CNTNAP2: variants seen among roughly 807,000 people sequenced by gnomAD.
CNTNAP2 encodes the protein contactin-associated protein-like 2.
Under a neutral mutation model 155.2 loss-of-function variants are expected in CNTNAP2, and 98 were observed. The observed-to-expected ratio is 0.63, with a 90% CI of 0.54 to 0.75. The LOEUF (loss-of-function observed/expected upper bound fraction) is 0.75. Among genes scored for constraint, CNTNAP2 ranks in the 30% least tolerant of loss-of-function variants. The pLI is 0.00. For synonymous variants in CNTNAP2, 651 were observed against 631.2 expected (o/e 1.03, Z -0.47); for missense variants, 1,727 against 1,688.1 (o/e 1.02, Z -0.40).
chr7:147,099,870 G>A (rs920549928), intron 4 of CNTNAP2, among the ~76,000 whole-genome samples: 9 of 152,162 alleles, frequency 5.9e-5, no homozygotes, highest in Admixed American at 3.9e-4. Context: ...GCTATTTTCA[G>A]TAAACAGCGA....
chr7:146,196,103 G>A (rs1012302273), intron 1 of CNTNAP2, among the ~76,000 whole-genome samples: 1 of 152,130 alleles, frequency 6.6e-6, no homozygotes, highest in African/African-American at 2.4e-5. Flanking sequence ...ATAACAAGAA[G>A]TTTGCATATG....
chr7:146,356,908 C>T (rs1174542386), intron 1 of CNTNAP2, among the ~76,000 whole-genome samples: 1 of 152,134 alleles, frequency 6.6e-6, no homozygotes, highest in East Asian at 1.9e-4. Flanking sequence ...GACTTTTCTC[C>T]AGGTCGCTGC....
At chr7:147,818,270 A>T (rs1428832584) in intron 13 of CNTNAP2, among the ~76,000 whole-genome samples, 4 of 152,110 alleles carry the variant, frequency 2.6e-5, no homozygotes, top group African/African-American at 9.7e-5. Flanking sequence ...TTCATTGATA[A>T]AGTTCCTTTC....
intron 1 of CNTNAP2, among the ~76,000 whole-genome samples, chr7:146,183,345 C>A (rs1798576183): frequency 6.6e-6 from 1 of 152,018 alleles, no homozygotes; most frequent in African/African-American, 2.4e-5. Context: ...TTCATTGGTC[C>A]CAAACTCTTC....
At chr7:148,127,070 C>T (rs1269167921) in intron 16 of CNTNAP2, among the ~76,000 whole-genome samples, 5 of 152,036 alleles carry the variant, frequency 3.3e-5, no homozygotes, top group Admixed American at 1.3e-4. Flanking sequence ...TTTGGGAGGC[C>T]GAGGTGGGCA....
chr7:147,747,850 C>T (rs1797070065), intron 13 of CNTNAP2, among the ~76,000 whole-genome samples: 1 of 152,208 alleles, frequency 6.6e-6, no homozygotes. Flanking sequence ...TTAAAGTCTG[C>T]AGTGGCTTTA....
intron 11 of CNTNAP2, among the ~76,000 whole-genome samples, chr7:147,500,927 C>G (rs186259882): frequency 2.7e-4 from 41 of 152,098 alleles, no homozygotes; most frequent in African/African-American, 9.2e-4. Context: ...GACTAGGAGA[C>G]TACAATTAAA....
At chr7:146,780,646 G>A (rs1802469891) in intron 2 of CNTNAP2, among the ~76,000 whole-genome samples, 1 of 151,980 alleles carries the variant, frequency 6.6e-6, no homozygotes, top group African/African-American at 2.4e-5. Context: ...TGATGGACTG[G>A]ATAAAGAAAA....
intron 13 of CNTNAP2, among the ~76,000 whole-genome samples, chr7:147,667,572 A>G (rs1200178067): frequency 2.6e-5 from 4 of 152,208 alleles, no homozygotes. Context: ...TTACTATGCC[A>G]GCAAAATGAG....
intron 1 of CNTNAP2, among the ~76,000 whole-genome samples, chr7:146,477,886 T>C (rs139938276): frequency 3.1e-3 from 477 of 152,248 alleles, no homozygotes; most frequent in Middle Eastern, 0.01. Flanking sequence ...GCCCAACTTA[T>C]AGCAGGTGTT....
chr7:146,464,456 A>G (rs1254185336), intron 1 of CNTNAP2, among the ~76,000 whole-genome samples: 2 of 152,126 alleles, frequency 1.3e-5, no homozygotes, highest in Non-Finnish European at 2.9e-5. Context: ...TTGTTAACTC[A>G]TCTGCCTTGT....
At chr7:146,474,060 C>G (rs896568686) in intron 1 of CNTNAP2, among the ~76,000 whole-genome samples, 1 of 151,976 alleles carries the variant, frequency 6.6e-6, no homozygotes, top group Non-Finnish European at 1.5e-5. Context: ...TCTAAAGAGG[C>G]CTAGGTTGGA....
At chr7:146,622,241 GTATA>G (rs1799335421) in intron 1 of CNTNAP2, among the ~76,000 whole-genome samples, 1 of 114,176 alleles carries the variant, frequency 8.8e-6, no homozygotes, top group African/African-American at 3.2e-5. Flanking sequence ...ATATGTGTGT[GTATA>G]TCTATCTATC....
intron 22 of CNTNAP2, among the ~76,000 whole-genome samples, chr7:148,407,703 T>TAAAAAAAAAA: frequency 2.1e-5 from 2 of 93,126 alleles, no homozygotes; most frequent in Non-Finnish European, 2.2e-5. Context: ...GACCAAATCT[T>TAAAAAAAAAA]AAAAAAAAAA....
intron 1 of CNTNAP2, among the ~76,000 whole-genome samples, chr7:146,592,380 G>A (rs370571860): frequency 9.8e-5 from 15 of 152,340 alleles, no homozygotes; most frequent in Admixed American, 7.8e-4. Context: ...TACTGCCTGT[G>A]GACCAGATGG....
chr7:147,493,793 C>T (rs929837651), intron 11 of CNTNAP2, among the ~76,000 whole-genome samples: 2 of 152,056 alleles, frequency 1.3e-5, no homozygotes, highest in African/African-American at 4.8e-5. Flanking sequence ...AATACTTTGT[C>T]ACAAATTATT....
chr7:147,731,712 T>C (rs765449424), intron 13 of CNTNAP2, among the ~76,000 whole-genome samples: 2 of 152,092 alleles, frequency 1.3e-5, no homozygotes, highest in Non-Finnish European at 2.9e-5. Flanking sequence ...CAGAGTGATT[T>C]CTCTAGTAGG....
chr7:146,670,629 TG>T (rs1301446046), intron 1 of CNTNAP2, among the ~76,000 whole-genome samples: 1 of 152,196 alleles, frequency 6.6e-6, no homozygotes, highest in Non-Finnish European at 1.5e-5. Context: ...TTCCTCAGAA[TG>T]AGTATATTCT....
intron 1 of CNTNAP2, among the ~76,000 whole-genome samples, chr7:146,289,095 C>T (rs980888472): frequency 1.3e-5 from 2 of 152,066 alleles, no homozygotes; most frequent in Admixed American, 6.6e-5. Flanking sequence ...TGAGCCACCG[C>T]GCCCTGGCAG....
Sources: gnomAD v4.1 joint callset for allele counts (sites outside exome capture counted in the v4.1 genomes callset) on GRCh38, gnomAD v4.1.1 for gene constraint, MANE v1.5 for transcripts, NCBI Gene and HGNC (gene_info 2026-07-23, HGNC 2026-07-21) for gene names.